Variants in AFDN observed in about 807,000 individuals in gnomAD.
The protein encoded by AFDN is afadin, adherens junction formation factor.
In AFDN, 68 loss-of-function variants were observed where a neutral mutation model predicts 216.6. The ratio of observed to expected loss-of-function variants is 0.31; its 90% CI spans 0.26 to 0.38. The LOEUF is 0.38. AFDN is among the 10% of genes least tolerant of loss of function. The pLI is 1.00. For missense variants in AFDN, 2,136 were observed against 2,342.0 expected (o/e 0.91, Z 1.82); for synonymous variants, 868 against 853.7 (o/e 1.02, Z -0.29).
At chr6:167,855,933 C>T (rs1213015018) in intron 1 of AFDN, among the ~76,000 whole-genome samples, 1 of 152,074 alleles carries the variant, frequency 6.6e-6, no homozygotes, top group Admixed American at 6.6e-5. Context: ...TTACAGTTAG[C>T]CAGGATCAAC....
At chr6:167,861,091 C>T (rs1044977662) in intron 1 of AFDN, among the ~76,000 whole-genome samples, 8 of 152,188 alleles carry the variant, frequency 5.3e-5, no homozygotes, top group Admixed American at 2.0e-4. Flanking sequence ...CTCCCCAACC[C>T]TCTGCACCCC....
At chr6:167,936,768 C>T (rs1794061805) in intron 23 of AFDN, among the ~76,000 whole-genome samples, 1 of 152,128 alleles carries the variant, frequency 6.6e-6, no homozygotes, top group Non-Finnish European at 1.5e-5. Context: ...ACATTCCAGT[C>T]CTGCACTGCC....
intron 13 of AFDN, among the ~76,000 whole-genome samples, chr6:167,908,175 G>GATCCAAACTGTTTCCTTCAAAGATC (rs1789949865): frequency 6.6e-6 from 1 of 152,240 alleles, no homozygotes; most frequent in Admixed American, 6.5e-5. Context: ...AGTCAGTGAG[G>GATCCAAACTGTTTCCTTCAAAGATC]CAGTTAGATG....
intron 12 of AFDN, among the ~76,000 whole-genome samples, chr6:167,903,606 A>G (rs1004408940): frequency 4.6e-5 from 7 of 152,234 alleles, no homozygotes; most frequent in East Asian, 1.9e-4. Context: ...ACAAACTCCT[A>G]TGATCCTGGA....
intron 30 of AFDN, chr6:167,954,394 T>G: frequency 6.9e-7 from 1 of 1,445,334 alleles, no homozygotes; most frequent in Non-Finnish European, 9.3e-7. Context: ...ATTACAGGTC[T>G]AAACCTAACT....
chr6:167,874,100 A>G (rs1411494157), intron 4 of AFDN, among the ~76,000 whole-genome samples: 3 of 152,202 alleles, frequency 2.0e-5, no homozygotes, highest in Non-Finnish European at 4.4e-5. Context: ...GGAGAGTTTA[A>G]AACAGGCTAG....
chr6:167,945,597 T>C (rs951741700), intron 26 of AFDN, among the ~76,000 whole-genome samples: 2 of 152,218 alleles, frequency 1.3e-5, no homozygotes, highest in East Asian at 3.8e-4. Context: ...ATCATTGTAC[T>C]ACAGCTTTAC....
At chr6:167,855,578 G>A (rs1197452885) in intron 1 of AFDN, among the ~76,000 whole-genome samples, 2 of 152,024 alleles carry the variant, frequency 1.3e-5, no homozygotes, top group Admixed American at 1.3e-4. Flanking sequence ...TCCCCCCTTA[G>A]CTAGCATTCA....
chr6:167,907,202 C>T lies in AFDN; in HGVS notation c.1682C>T (p.Ser561Leu), dbSNP rs1313937157. 5.6e-6 allele frequency: 9 copies of T among 1,614,042 alleles called. No homozygotes were observed. Among genetic ancestry groups the T allele is most frequent in the Non-Finnish European group, 7.6e-6 (9 of 1,180,012 alleles). The stretch of plus-strand genomic sequence containing the variant: ...ACTAGGCTGGACAGCGACAGAGTGT[C>T]GTCTGCCTCTAGCACAGCCGAGCGG... ...STTRLDSDRVSSASSTAERGM... is the reference protein window; with the variant it reads ...STTRLDSDRVLSASSTAERGM... Residue 561 changes from serine to leucine, a missense_variant, in exon 13 of 34, where the codon TCG becomes TTG. Ser to Leu is a moderately radical substitution (Grantham distance 145). This residue lies in a region of AFDN where 817 missense variants were observed against 965.7 expected (regional missense o/e 0.85). Transcript: ENST00000683244.
At chr6:167,953,712 T>A (rs1173114235) in intron 30 of AFDN, among the ~76,000 whole-genome samples, 1 of 152,154 alleles carries the variant, frequency 6.6e-6, no homozygotes, top group Non-Finnish European at 1.5e-5. Flanking sequence ...CCCCTCCCCA[T>A]CAGAGCTCTC....
chr6:167,908,524 A>G (rs1014007357), intron 13 of AFDN, among the ~76,000 whole-genome samples: 1 of 152,182 alleles, frequency 6.6e-6, no homozygotes, highest in African/African-American at 2.4e-5. Flanking sequence ...GAATACCTCT[A>G]TGTATTTCTA....
intron 27 of AFDN, among the ~76,000 whole-genome samples, chr6:167,947,650 A>T (rs925655292): frequency 6.6e-6 from 1 of 152,114 alleles, no homozygotes; most frequent in African/African-American, 2.4e-5. Flanking sequence ...GTTTTTTTGT[A>T]GCTCTGGGCT....
chr6:167,888,507 T>C (rs1372796804), intron 6 of AFDN, among the ~76,000 whole-genome samples: 3 of 152,200 alleles, frequency 2.0e-5, no homozygotes, highest in Non-Finnish European at 2.9e-5. Context: ...TAGAAGAATA[T>C]TGGACAACCA....
At chr6:167,833,253 A>G (rs1780025044) in intron 1 of AFDN, among the ~76,000 whole-genome samples, 1 of 152,262 alleles carries the variant, frequency 6.6e-6, no homozygotes. Context: ...GACTATAGTA[A>G]CAACAGCAGG....
rs374449642 is a variant in AFDN, at chr6:167,922,816, A to T, written c.2909-40A>T. On this transcript the variant is annotated intron_variant, in intron 21 of 33. Transcript: ENST00000683244. ...ATCTTGCTTCCTTTATCTTGACAAG[A>T]TGTGCTTTTTCACTTACAATTTGCT... The T allele has an allele frequency of 4.4e-5, 58 of 1,332,938 alleles. 1 individual carries two copies. In the African/African-American group the frequency reaches 7.7e-4, roughly 18 times the overall value. The allele number at this position is 1,332,938 out of a possible 1,614,324, so 82.6% of individuals were successfully genotyped here. A position where few individuals can be genotyped will look rare whatever the true frequency, so the allele number is the denominator to read the frequency against.
intron 1 of AFDN, chr6:167,827,559 G>C (rs1481098276): frequency 2.8e-5 from 4 of 145,086 alleles, no homozygotes; most frequent in Admixed American, 6.8e-5. Context: ...AGCGCGGCGC[G>C]GCCCCGGCCT....
At chr6:167,964,077 T>G (rs2128752687) in intron 31 of AFDN, 1 of 1,064,362 alleles carries the variant, frequency 9.4e-7, no homozygotes, top group Middle Eastern at 4.2e-4. Flanking sequence ...TTTCCTGTGC[T>G]GAGAAACTCT....
At chr6:167,945,207 G>A (rs181838285) in intron 26 of AFDN, among the ~76,000 whole-genome samples, 87 of 149,192 alleles carry the variant, frequency 5.8e-4, no homozygotes, top group African/African-American at 1.8e-3. Flanking sequence ...TTAAAATCTC[G>A]TACATAAGCA....
chr6:167,855,992 T>C (rs1461347159), intron 1 of AFDN, among the ~76,000 whole-genome samples: 1 of 152,142 alleles, frequency 6.6e-6, no homozygotes, highest in Non-Finnish European at 1.5e-5. Context: ...ACAACTAATA[T>C]GTTTCGAATT....
Sources: gnomAD v4.1 joint callset for allele counts (sites outside exome capture counted in the v4.1 genomes callset) on GRCh38, gnomAD v4.1.1 for gene constraint, gnomAD v4.1.1 regional missense constraint, MANE v1.5 for transcripts, NCBI Gene and HGNC (gene_info 2026-07-23, HGNC 2026-07-21) for gene names.